Variants in DISC1 observed in about 807,000 individuals in gnomAD.
DISC1 encodes disrupted in schizophrenia 1 protein.
DISC1 carries 57 observed loss-of-function variants against 84.5 expected under a neutral mutation model. That is an observed-to-expected ratio of 0.67 (90% CI 0.55 to 0.84). The LOEUF (loss-of-function observed/expected upper bound fraction) is 0.84. Among genes scored for constraint, DISC1 ranks in the 40% least tolerant of loss-of-function variants. DISC1 has a pLI of 0.00. For synonymous variants in DISC1, 411 were observed against 415.2 expected (o/e 0.99, Z 0.12); for missense variants, 1,000 against 1,057.8 (o/e 0.95, Z 0.76).
intron 3 of DISC1, among the ~76,000 whole-genome samples, chr1:231,735,957 CGT>C (rs963098299): frequency 3.5e-4 from 54 of 152,186 alleles, no homozygotes; most frequent in African/African-American, 1.3e-3. Context: ...AGACTACAGG[CGT>C]GTGTCACTGC....
chr1:231,780,117 T>C, intron 6 of DISC1, among the ~76,000 whole-genome samples: 1 of 151,744 alleles, frequency 6.6e-6, no homozygotes, highest in Non-Finnish European at 1.5e-5. Context: ...GGGATAGCAT[T>C]GGGAGATATA....
intron 10 of DISC1, among the ~76,000 whole-genome samples, chr1:231,998,759 A>C (rs1179070512): frequency 1.3e-5 from 2 of 152,232 alleles, no homozygotes; most frequent in African/African-American, 4.8e-5. Flanking sequence ...GGTGTCACAG[A>C]GTATGCAAAT....
At chr1:231,946,751 A>T (rs1657300775) in intron 9 of DISC1, among the ~76,000 whole-genome samples, 1 of 152,260 alleles carries the variant, frequency 6.6e-6, no homozygotes, top group South Asian at 2.1e-4. Flanking sequence ...GCTGAAAAGC[A>T]ACTTCAGCAA....
At chr1:231,687,409 G>GA (rs1450988542) in intron 1 of DISC1, among the ~76,000 whole-genome samples, 5 of 152,134 alleles carry the variant, frequency 3.3e-5, no homozygotes, top group Non-Finnish European at 5.9e-5. Context: ...AGCAAAAGCA[G>GA]AAGCCCTTGA....
chr1:231,682,778 A>AATCCT (rs2063818760), intron 1 of DISC1, among the ~76,000 whole-genome samples: 1 of 152,256 alleles, frequency 6.6e-6, no homozygotes, highest in Non-Finnish European at 1.5e-5. Flanking sequence ...TGCATGTATT[A>AATCCT]AGACTCAAAA....
intron 9 of DISC1, among the ~76,000 whole-genome samples, chr1:231,898,956 A>G (rs2087926365): frequency 6.6e-6 from 1 of 151,856 alleles, no homozygotes; most frequent in Admixed American, 6.6e-5. Flanking sequence ...AAAAAATGAA[A>G]CAAAACAAAA....
rs1255773533 is a variant in DISC1 at position 232,009,180 on chromosome 1, T to C, written c.2307+131T>C. On this transcript the variant is annotated intron_variant, in intron 11 of 12. Coordinates refer to ENST00000439617, the MANE Select transcript of DISC1 (RefSeq NM_018662.3). This position sits in a 1 kb window ranked among gnomAD's most constrained non-coding sequence, Gnocchi z 4.6. ...GCATATAAACTTTTAAAAGTTTCAA[T>C]AACTCTTGAATATGATTACAAAATA... 2 of 1,472,760 alleles carry C rather than the reference T, an allele frequency of 1.4e-6. No homozygotes were observed. The highest frequency in any genetic ancestry group is 9.0e-7 in the Non-Finnish European group (1 of 1,109,534). The allele number at this position is 1,472,760 out of a possible 1,614,324, so 91.2% of individuals were successfully genotyped here. A position where few individuals can be genotyped will look rare whatever the true frequency, so the allele number is the denominator to read the frequency against.
chr1:231,866,054 TACTCA>T (rs2085030589), intron 9 of DISC1, among the ~76,000 whole-genome samples: 1 of 152,158 alleles, frequency 6.6e-6, no homozygotes, highest in Non-Finnish European at 1.5e-5. Context: ...GGACAGGGAT[TACTCA>T]ACTCATTACT....
At chr1:231,699,026 G>T (rs1317683777) in intron 2 of DISC1, among the ~76,000 whole-genome samples, 1 of 152,168 alleles carries the variant, frequency 6.6e-6, no homozygotes, top group Non-Finnish European at 1.5e-5. Flanking sequence ...CAACAAAATT[G>T]TGTTTTTTGC....
rs188432084 is a variant in DISC1, at chr1:231,731,839, C to G, written c.1118-18087C>G. ...CCCTGCCTCACAGCCAAGGCAATGG[C>G]TCTCCCTGGCACTGTGCAAACCCTG... On this transcript the variant is annotated intron_variant, in intron 3 of 12. Transcript: ENST00000439617. 1.1e-4 allele frequency among the ~76,000 whole-genome samples: 17 copies of G among 152,314 alleles called. No individual in the cohort carries two copies. In the East Asian group the frequency reaches 3.3e-3, roughly 29 times the overall value.
intron 9 of DISC1, among the ~76,000 whole-genome samples, chr1:231,840,203 G>A (rs1435590958): frequency 6.6e-6 from 1 of 152,178 alleles, no homozygotes; most frequent in African/African-American, 2.4e-5. Flanking sequence ...CAGTATCGCA[G>A]GTGGGGTTGT....
At chr1:231,690,209 A>G (rs145302193) in intron 1 of DISC1, among the ~76,000 whole-genome samples, 2 of 152,276 alleles carry the variant, frequency 1.3e-5, no homozygotes, top group South Asian at 2.1e-4. Context: ...TGGGGGTCAT[A>G]TATTACCAGG....
intron 6 of DISC1, among the ~76,000 whole-genome samples, chr1:231,775,272 A>G (rs2076877038): frequency 6.6e-6 from 1 of 152,234 alleles, no homozygotes; most frequent in South Asian, 2.1e-4. Flanking sequence ...ACAACTTGAA[A>G]AGAAACTTCC....
intron 6 of DISC1, among the ~76,000 whole-genome samples, chr1:231,794,034 A>G (rs1333080990): frequency 1.3e-5 from 2 of 152,050 alleles, no homozygotes; most frequent in East Asian, 1.9e-4. Flanking sequence ...TCCACCCCCC[A>G]AGGCCTCCCA....
rs2058643115 is a variant in DISC1 at position 231,630,685 on chromosome 1, A to T, written c.67+3751A>T. On this transcript the variant is annotated intron_variant, in intron 1 of 12. Coordinates refer to ENST00000439617, the MANE Select transcript of DISC1 (RefSeq NM_018662.3). The surrounding 1 kb of genome is among the most constrained non-coding windows in gnomAD (Gnocchi z 4.4). Reference sequence around the variant, plus strand: ...AGGAGTCTTCCGTTGTTAGTTCCTAACTTTAATGACTTTGTGGTAAAAATT... The same window carrying T: ...AGGAGTCTTCCGTTGTTAGTTCCTATCTTTAATGACTTTGTGGTAAAAATT... Among the ~76,000 whole-genome samples, 1 of 152,058 alleles carries T rather than the reference A, an allele frequency of 6.6e-6. No homozygotes were observed. Among genetic ancestry groups the T allele is most frequent in the African/African-American group, 2.4e-5 (1 of 41,376 alleles).
intron 7 of DISC1, 127 bp downstream of exon 7, chr1:231,795,423 G>T (rs777466565): frequency 3.1e-5 from 25 of 804,702 alleles, no homozygotes; most frequent in Non-Finnish European, 4.9e-5. Flanking sequence ...AAGCCATTTT[G>T]CAGGCCCAAT....
At chr1:231,850,121 A>G (rs1283014040) in intron 9 of DISC1, among the ~76,000 whole-genome samples, 13 of 152,214 alleles carry the variant, frequency 8.5e-5, no homozygotes, top group Admixed American at 8.5e-4. Context: ...GGCCCCACCT[A>G]CGGAGAACTC....
At chr1:231,983,900 G>A (rs1218927381) in intron 10 of DISC1, among the ~76,000 whole-genome samples, 8 of 152,306 alleles carry the variant, frequency 5.3e-5, no homozygotes, top group Middle Eastern at 3.4e-3. Context: ...GTTGTGGTTA[G>A]TGCTTGACAT....
rs2081876914 is a variant in DISC1 at position 231,826,549 on chromosome 1, GAGGTTCTAT to G, written c.1981+8038_1981+8046del. On this transcript the variant is annotated intron_variant, in intron 9 of 12. Transcript: ENST00000439617. This position sits in a 1 kb window ranked among gnomAD's most constrained non-coding sequence, Gnocchi z 4.2. ...GATGGATAATTTAACTCAGTAGTAGGAGGTTCTATAGGTTATCACCCTATGAAACTCATA... is the reference window on the plus strand; with the variant it reads ...GATGGATAATTTAACTCAGTAGTAGGAGGTTATCACCCTATGAAACTCATA... 6.6e-6 allele frequency among the ~76,000 whole-genome samples: 1 copy of G among 152,104 alleles called. No individual in the cohort carries two copies. Among genetic ancestry groups the G allele is most frequent in the African/African-American group, 2.4e-5 (1 of 41,422 alleles).
Sources: gnomAD v4.1 joint callset for allele counts (sites outside exome capture counted in the v4.1 genomes callset) on GRCh38, gnomAD v4.1.1 for gene constraint, Gnocchi (gnomAD v3.1) non-coding constraint, MANE v1.5 for transcripts, NCBI Gene and HGNC (gene_info 2026-07-23, HGNC 2026-07-21) for gene names.